LAX1: variants seen among roughly 807,000 people sequenced by gnomAD.
LAX1 encodes the protein lymphocyte transmembrane adaptor 1, also known as lymphocyte transmembrane adapter 1.
Under a neutral mutation model 20.7 loss-of-function variants are expected in LAX1, and 17 were observed. That is an observed-to-expected ratio of 0.82 (90% confidence interval 0.56 to 1.23). The LOEUF (loss-of-function observed/expected upper bound fraction) is 1.23, where lower values mean the gene tolerates loss of function less well. Ranked by LOEUF, LAX1 falls within the 50% of genes most tolerant of loss-of-function variation. LAX1 has a pLI of 0.00. For synonymous variants in LAX1, 165 were observed against 181.0 expected (o/e 0.91, Z 0.71); for missense variants, 470 against 487.0 (o/e 0.97, Z 0.33).
In LAX1 at chr1:203,769,397, A is replaced by AAAAGAAAGAAAGAAAG. The variant is rs1200921518; in HGVS notation, c.90-1400_90-1385dup. The stretch of plus-strand genomic sequence containing the variant: ...ACACAGCGAGACTCTGTCTCAAAAA[A>AAAAGAAAGAAAGAAAG]AAAGAAAGAAAGAAAGAAAGAAAGA... On this transcript the variant is annotated intron_variant, in intron 1 of 4. Transcript: ENST00000442561. Among the ~76,000 whole-genome samples, 344 of 76,744 alleles carry AAAAGAAAGAAAGAAAG rather than the reference A, an allele frequency of 4.5e-3. 5 individuals carry two copies. Among genetic ancestry groups the AAAAGAAAGAAAGAAAG allele is most frequent in the African/African-American group, 0.017 (311 of 18,466 alleles). 50.3% of individuals were successfully genotyped at this position (76,744 alleles called of 152,430 possible). A position where few individuals can be genotyped will look rare whatever the true frequency, so the allele number is the denominator to read the frequency against.
Position 203,765,270 on chromosome 1 carries a change from T to C in LAX1, c.-296T>C. 7.1e-7 allele frequency: 1 copy of C among 1,405,676 alleles called. No individual in the cohort carries two copies. Among genetic ancestry groups the C allele is most frequent in the South Asian group, 1.2e-5 (1 of 81,086 alleles). The allele number at this position is 1,405,676 out of a possible 1,614,324, so 87.1% of individuals were successfully genotyped here. A position where few individuals can be genotyped will look rare whatever the true frequency, so the allele number is the denominator to read the frequency against. On this transcript the variant is annotated 5_prime_UTR_variant, in exon 1 of 5. Coordinates refer to ENST00000442561, the MANE Select transcript of LAX1 (RefSeq NM_017773.4). Reference sequence around the variant, plus strand: ...AGTTTCCCCCTCTGTGCCCCTCACGTTTCCACCAGAAACGTGAAGGCAGAG... The same window carrying C: ...AGTTTCCCCCTCTGTGCCCCTCACGCTTCCACCAGAAACGTGAAGGCAGAG...
At chr1:203,769,425 G>A (rs1667361180) in intron 1 of LAX1, among the ~76,000 whole-genome samples, 1 of 98,940 alleles carries the variant, frequency 1.0e-5, no homozygotes, top group East Asian at 2.2e-4. Flanking sequence ...AAGAAAGAAA[G>A]AAAGAAAGAA....
At chr1:203,773,585 G>T (rs1463826508) in intron 4 of LAX1, among the ~76,000 whole-genome samples, 1 of 151,180 alleles carries the variant, frequency 6.6e-6, no homozygotes, top group Non-Finnish European at 1.5e-5. Flanking sequence ...GTGAGGCTAG[G>T]ATTTGTACCT....
chr1:203,770,454 AAAGGAAGGAAGG>A lies in LAX1; in HGVS notation c.90-326_90-315del, dbSNP rs767611921. Among the ~76,000 whole-genome samples the A allele has an allele frequency of 4.1e-3, 90 of 21,924 alleles. 3 individuals are homozygous for A. Among genetic ancestry groups the A allele is most frequent in the African/African-American group, 7.9e-3 (73 of 9,196 alleles). 14.4% of individuals were successfully genotyped at this position (21,924 alleles called of 152,430 possible). A position where few individuals can be genotyped will look rare whatever the true frequency, so the allele number is the denominator to read the frequency against. ...AAGAAAGAGAGAGAGAGAGAGAGAG[AAAGGAAGGAAGG>A]AAGGAAGGAAGGAAGGAAGGAAGGA... On this transcript the variant is annotated intron_variant, in intron 1 of 4. Coordinates refer to ENST00000442561, the MANE Select transcript of LAX1 (RefSeq NM_017773.4).
At chr1:203,770,457 G>GAGAGAGAGA (rs55910139) in intron 1 of LAX1, among the ~76,000 whole-genome samples, 6 of 28,948 alleles carry the variant, frequency 2.1e-4, no homozygotes, top group African/African-American at 4.1e-4. Context: ...GAGAGAGAAA[G>GAGAGAGAGA]GAAGGAAGGA....
At chr1:203,767,255 A>T (rs1218583406) in intron 1 of LAX1, among the ~76,000 whole-genome samples, 2 of 148,442 alleles carry the variant, frequency 1.3e-5, no homozygotes, top group Non-Finnish European at 3.0e-5. Context: ...CCCTTTGACC[A>T]ACATCTCTGC....
intron 1 of LAX1, among the ~76,000 whole-genome samples, chr1:203,770,208 G>C (rs989031601): frequency 2.0e-5 from 3 of 151,770 alleles, no homozygotes; most frequent in African/African-American, 4.8e-5. Context: ...ACAAGGTCAA[G>C]AGATTGAGAC....
intron 3 of LAX1, 145 bp from the exon 4 acceptor site, chr1:203,771,923 G>C (rs1290399312): frequency 1.5e-6 from 1 of 672,704 alleles, no homozygotes; most frequent in African/African-American, 1.8e-5. Flanking sequence ...CCATAACTCT[G>C]ACCTCAGAAC....
intron 1 of LAX1, among the ~76,000 whole-genome samples, chr1:203,769,416 A>AG (rs1558069875): frequency 1.1e-5 from 1 of 92,086 alleles, no homozygotes; most frequent in Non-Finnish European, 2.7e-5. Context: ...AAAGAAAGAA[A>AG]GAAAGAAAGA....
Position 203,772,100 on chromosome 1 carries a change from A to T in LAX1, c.343A>T (p.Ser115Cys). 6.2e-7 allele frequency: 1 copy of T among 1,614,070 alleles called. No individual in the cohort carries two copies. The highest frequency in any genetic ancestry group is 1.3e-5 in the African/African-American group (1 of 75,054). The change falls in exon 4 of 5, where the codon AGT (serine) becomes TGT (cysteine). Residue 115 changes from serine to cysteine, a missense_variant. Physicochemically the swap from Ser to Cys is moderately radical, Grantham distance 112 (BLOSUM62 -1). Coordinates refer to ENST00000442561, the MANE Select transcript of LAX1 (RefSeq NM_017773.4). ...TGAGTCGAGGAGTATGCGCATTTTCAGTACTGAGAGCCTCCTCTCCAGAAA... is the reference window on the plus strand; with the variant it reads ...TGAGTCGAGGAGTATGCGCATTTTCTGTACTGAGAGCCTCCTCTCCAGAAA... Reference protein sequence around the residue: ...RHESRSMRIFSTESLLSRNSE... With the variant: ...RHESRSMRIFCTESLLSRNSE...
rs1667289754 is a variant in LAX1, at chr1:203,765,491, A to G, written c.-75A>G. The G allele has an allele frequency of 6.3e-7, 1 of 1,595,496 alleles. No homozygotes were observed. The highest frequency in any genetic ancestry group is 8.6e-7 in the Non-Finnish European group (1 of 1,169,312). ...GCGGGGGTGGGGAGAAGTGGTAGAC[A>G]TGCTGGCTAACTGATTATGATTAAG... On this transcript the variant is annotated 5_prime_UTR_variant, in exon 1 of 5. It removes an upstream start codon present in the reference 5' UTR. Transcript: ENST00000442561.
chr1:203,767,300 C>T (rs1171682006), intron 1 of LAX1, among the ~76,000 whole-genome samples: 1 of 95,366 alleles, frequency 1.0e-5, no homozygotes, highest in East Asian at 1.6e-3. Flanking sequence ...CTACTCTCCA[C>T]TTCTTTTTTT....
In LAX1 at chr1:203,776,253, C is replaced by T. The variant is rs533682880; in HGVS notation, c.*1572C>T. On this transcript the variant is annotated 3_prime_UTR_variant, in exon 5 of 5. Transcript: ENST00000442561. ...ATTAGCTTGGCATGGTGGTGTGCGC[C>T]TGTAGTCCCAGCTACTAGGAGGCTG... The T allele has an allele frequency of 1.3e-5, 2 of 151,312 alleles. No individual in the cohort carries two copies. The highest frequency in any genetic ancestry group is 2.9e-5 in the Non-Finnish European group (2 of 67,948). 9.4% of individuals were successfully genotyped at this position (151,312 alleles called of 1,614,324 possible).
At chr1:203,772,318 CA>C (rs1307864905) in intron 4 of LAX1, among the ~76,000 whole-genome samples, 171 bp downstream of exon 4, 2 of 152,210 alleles carry the variant, frequency 1.3e-5, no homozygotes, top group South Asian at 2.1e-4. Context: ...CTCCTATACC[CA>C]AAAAGAAAAA....
Position 203,765,608 on chromosome 1 carries a change from A to G in LAX1, c.43A>G (p.Thr15Ala), listed in dbSNP as rs761326732. The stretch of plus-strand genomic sequence containing the variant: ...AACCCTTTCGACAATCAGAGGGAGG[A>G]CCTTGGAGTCCAGCACTCTGCATGT... Reference protein sequence around the residue: ...TPTLSTIRGRTLESSTLHVTP... With the variant: ...TPTLSTIRGRALESSTLHVTP... The change falls in exon 1 of 5, where the codon ACC becomes GCC. Residue 15 changes from threonine (T) to alanine (A), a missense_variant. Thr to Ala is a moderately conservative substitution (Grantham distance 58). Coordinates refer to ENST00000442561, the MANE Select transcript of LAX1 (RefSeq NM_017773.4). 3 of 1,613,978 alleles carry G rather than the reference A, an allele frequency of 1.9e-6. No individual in the cohort carries two copies. The highest frequency in any genetic ancestry group is 2.5e-6 in the Non-Finnish European group (3 of 1,180,018).
rs1285380148 is a variant in LAX1 at position 203,774,477 on chromosome 1, T to C, written c.993T>C (p.His331=). 6 of 1,614,226 alleles carry C rather than the reference T, an allele frequency of 3.7e-6. No homozygotes were observed. The highest frequency in any genetic ancestry group is 5.1e-6 in the Non-Finnish European group (6 of 1,180,034). ...ACAAGACAGATGATCCCGGGACCCA[T>C]GTCCAATGTGTCAAAAGGACATTCC... ...VEDKTDDPGT[H]VQCVKRTFLA... is the part of the protein sequence containing the mutation. Residue 331 remains histidine (H), a synonymous_variant, in exon 5 of 5, where the codon CAT becomes CAC. Transcript: ENST00000442561.
chr1:203,776,368 A>C lies in LAX1; in HGVS notation c.*1687A>C, dbSNP rs1045571996. 14 of 138,230 alleles carry C rather than the reference A, an allele frequency of 1.0e-4. No homozygotes were observed. Among genetic ancestry groups the C allele is most frequent in the African/African-American group, 2.4e-4 (9 of 38,116 alleles). 8.6% of individuals were successfully genotyped at this position (138,230 alleles called of 1,614,324 possible). ...TCTGTCTCAAAAAAAAAAAAAAAAA[A>C]AAAAAACTGTACACTAGACAAAGGG... On this transcript the variant is annotated 3_prime_UTR_variant, in exon 5 of 5. Transcript: ENST00000442561.
rs746061226 is a variant in LAX1 at position 203,765,673 on chromosome 1, T to C, written c.89+19T>C. On this transcript the variant is annotated intron_variant, in intron 1 of 4. Transcript: ENST00000442561. ...TGGACAGGTGAGTGACTCAGGGTGG[T>C]GAGCTCCACCCTGCCCTGATTTAGG... 1.9e-6 allele frequency: 3 copies of C among 1,610,722 alleles called. No individual in the cohort carries two copies. The Admixed American group carries it at 5.0e-5, about 27-fold the overall frequency.
At chr1:203,769,420 AGAAAGAAAGAAAGAAAGAAAGAAG>A (rs1209636507) in intron 1 of LAX1, among the ~76,000 whole-genome samples, 10 of 96,220 alleles carry the variant, frequency 1.0e-4, no homozygotes, top group African/African-American at 1.9e-4. Context: ...AAAGAAAGAA[AGAAAGAAAGAAAGAAAGAAAGAAG>A]GAAAGAAAGA....
Sources: allele counts gnomAD v4.1 joint callset (sites outside exome capture counted in the v4.1 genomes callset), GRCh38; gene constraint gnomAD v4.1.1; transcripts MANE v1.5; gene names NCBI Gene and HGNC (gene_info 2026-07-23, HGNC 2026-07-21).